The following CCDC15 variants were observed in gnomAD, a reference collection of about 807,000 sequenced individuals.
CCDC15 encodes coiled-coil domain-containing protein 15.
A neutral mutation model predicts 114.5 loss-of-function variants in CCDC15; 105 were observed. That is an observed-to-expected ratio of 0.92 (90% CI 0.78 to 1.08). The LOEUF is 1.08. Ranked by LOEUF, CCDC15 falls within the 50% of genes least tolerant of loss-of-function variation. CCDC15 has a pLI of 0.00. For synonymous variants in CCDC15, 334 were observed against 377.8 expected (o/e 0.88, Z 1.34); for missense variants, 1,105 against 1,093.6 (o/e 1.01, Z -0.15).
At chr11:124,966,777 T>G (rs1434515146) in intron 4 of CCDC15, among the ~76,000 whole-genome samples, 1 of 152,208 alleles carries the variant, frequency 6.6e-6, no homozygotes, top group Non-Finnish European at 1.5e-5. Flanking sequence ...CAGTGGCTGG[T>G]ACTGGTTGTT....
chr11:125,037,757 G>T (rs1199278736), intron 13 of CCDC15, among the ~76,000 whole-genome samples: 7 of 152,144 alleles, frequency 4.6e-5, no homozygotes, highest in African/African-American at 1.4e-4. Flanking sequence ...TCTTGTATTT[G>T]TTTGATTTGT....
At position 124,991,483 on chromosome 11, in the gene CCDC15, A is replaced by C. The variant is rs1948267248; in HGVS notation, c.1931A>C (p.Tyr644Ser). ...TAGAAAGTACACTTTAAGGAGCCAT[A>C]CTCTGATATGACAGATGAGAAAGGG... is the stretch of plus-strand genomic sequence containing the variant. ...KYQKVHFKEP[Y>S]SDMTDEKGRE... The change falls in exon 9 of 16, where the codon TAC becomes TCC. Residue 644 changes from tyrosine to serine, a missense_variant. Tyr to Ser is a moderately radical substitution (Grantham distance 144). Transcript: ENST00000344762. The C allele has an allele frequency of 6.3e-7, 1 of 1,591,232 alleles. No homozygotes were observed. Among genetic ancestry groups the C allele is most frequent in the South Asian group, 1.1e-5 (1 of 89,168 alleles).
chr11:124,992,810 C>A (rs909428357), intron 10 of CCDC15, 123 bp downstream of exon 10: 8 of 589,764 alleles, frequency 1.4e-5, no homozygotes, highest in Non-Finnish European at 2.4e-5. Context: ...GAATTAAGGC[C>A]TCCAGAATTA....
At chr11:124,973,988 TA>T (rs1365497174) in intron 4 of CCDC15, among the ~76,000 whole-genome samples, 1 of 152,200 alleles carries the variant, frequency 6.6e-6, no homozygotes, top group African/African-American at 2.4e-5. Flanking sequence ...TTAATTTATT[TA>T]TTTTTTTAAG....
intron 4 of CCDC15, among the ~76,000 whole-genome samples, chr11:124,966,737 C>T (rs1049205481): frequency 3.9e-5 from 6 of 152,136 alleles, no homozygotes; most frequent in African/African-American, 7.2e-5. Context: ...TTCCTAGCAT[C>T]GATGGTCTTT....
At chr11:125,033,425 A>C (rs1948754781) in intron 13 of CCDC15, among the ~76,000 whole-genome samples, 1 of 152,068 alleles carries the variant, frequency 6.6e-6, no homozygotes, top group Non-Finnish European at 1.5e-5. Flanking sequence ...TTTCCATTGC[A>C]TTTAAATTTT....
intron 11 of CCDC15, among the ~76,000 whole-genome samples, chr11:124,994,387 C>T (rs150656099): frequency 4.1e-4 from 63 of 152,264 alleles, no homozygotes; most frequent in East Asian, 3.9e-3. Flanking sequence ...TTTCATACAG[C>T]GCAAAATGTA....
chr11:124,990,506 C>T (rs1234678254), intron 8 of CCDC15, among the ~76,000 whole-genome samples: 1 of 152,142 alleles, frequency 6.6e-6, no homozygotes, highest in Non-Finnish European at 1.5e-5. Flanking sequence ...AAAAACACAA[C>T]ATCTGCAAAG....
chr11:125,039,103 G>A (rs769729899), intron 15 of CCDC15, 34 bp downstream of exon 15: 56 of 1,529,118 alleles, frequency 3.7e-5, no homozygotes, highest in Admixed American at 2.1e-4. Flanking sequence ...AGGGCCTAAT[G>A]GCAACAAGAA....
At chr11:124,989,693 G>A (rs781010329) in intron 8 of CCDC15, among the ~76,000 whole-genome samples, 10 of 152,232 alleles carry the variant, frequency 6.6e-5, no homozygotes, top group Middle Eastern at 3.4e-3. Flanking sequence ...AGCACTTACC[G>A]CTTCACCTTG....
chr11:125,027,095 C>T (rs978944448), intron 13 of CCDC15, among the ~76,000 whole-genome samples: 21 of 152,206 alleles, frequency 1.4e-4, no homozygotes, highest in Non-Finnish European at 2.6e-4. Flanking sequence ...GAGTAGTATT[C>T]CATGGTGTAT....
At chr11:125,000,522 A>G (rs1034278015) in intron 11 of CCDC15, among the ~76,000 whole-genome samples, 3 of 152,156 alleles carry the variant, frequency 2.0e-5, no homozygotes, top group Non-Finnish European at 4.4e-5. Flanking sequence ...GTTACAATCA[A>G]TGAGAGCAAG....
At chr11:124,984,008 G>T (rs574697643) in intron 6 of CCDC15, among the ~76,000 whole-genome samples, 1 of 152,246 alleles carries the variant, frequency 6.6e-6, no homozygotes, top group East Asian at 1.9e-4. Flanking sequence ...TGCAGCAGTG[G>T]CCGTGCAGGG....
chr11:124,995,837 T>C (rs1948357696), intron 11 of CCDC15, among the ~76,000 whole-genome samples: 2 of 143,664 alleles, frequency 1.4e-5, no homozygotes, highest in African/African-American at 5.1e-5. Context: ...CCTTTTCTCC[T>C]TTTTTTTTTT....
rs192034362 is a variant in CCDC15 at position 125,034,022 on chromosome 11, G to A, written c.2412-4409G>A. On this transcript the variant is annotated intron_variant, in intron 13 of 15. Transcript: ENST00000344762. ...TGCTAGGACTTTAGTCTTGTTATAGGTCTAGAAGCAAACAGAGGTGTTGGG... is the reference window on the plus strand; with the variant it reads ...TGCTAGGACTTTAGTCTTGTTATAGATCTAGAAGCAAACAGAGGTGTTGGG... 3.5e-3 allele frequency among the ~76,000 whole-genome samples: 532 copies of A among 152,294 alleles called. 3 individuals carry two copies. Among genetic ancestry groups the A allele is most frequent in the South Asian group, 0.013 (64 of 4,826 alleles).
At chr11:124,964,258 T>C (rs1284781899) in intron 4 of CCDC15, among the ~76,000 whole-genome samples, 4 of 152,220 alleles carry the variant, frequency 2.6e-5, no homozygotes, top group Admixed American at 2.6e-4. Flanking sequence ...ACGATATTGA[T>C]TCTTCCTGTC....
chr11:125,016,032 A>T (rs187110609), intron 13 of CCDC15, among the ~76,000 whole-genome samples: 1 of 152,312 alleles, frequency 6.6e-6, no homozygotes, highest in African/African-American at 2.4e-5. Flanking sequence ...ATATTCCAAG[A>T]TGTTAAAGAA....
At chr11:125,034,291 C>T (rs902233624) in intron 13 of CCDC15, among the ~76,000 whole-genome samples, 1 of 152,194 alleles carries the variant, frequency 6.6e-6, no homozygotes, top group East Asian at 1.9e-4. Context: ...TCCCACATAT[C>T]CCCATTCCCA....
At chr11:124,965,874 A>C (rs970190073) in intron 4 of CCDC15, among the ~76,000 whole-genome samples, 14 of 152,284 alleles carry the variant, frequency 9.2e-5, no homozygotes, top group Admixed American at 8.5e-4. Flanking sequence ...GAATATCTTT[A>C]TTTCTGCCTT....
Sources: allele counts gnomAD v4.1 joint callset (sites outside exome capture counted in the v4.1 genomes callset), GRCh38; gene constraint gnomAD v4.1.1; transcripts MANE v1.5; gene names NCBI Gene and HGNC (gene_info 2026-07-23, HGNC 2026-07-21).